Variants in PCSK2 observed in about 807,000 individuals in gnomAD.
PCSK2 encodes neuroendocrine convertase 2.
PCSK2 carries 14 observed loss-of-function variants against 69.7 expected under a neutral mutation model. That is an observed-to-expected ratio of 0.20 (90% CI 0.13 to 0.31). The LOEUF is 0.31. Ranked by LOEUF, PCSK2 falls within the 10% of genes least tolerant of loss-of-function variation. PCSK2 has a pLI of 1.00. For missense variants in PCSK2, 544 were observed against 842.5 expected (o/e 0.65, Z 4.39); for synonymous variants, 307 against 320.7 (o/e 0.96, Z 0.46).
intron 2 of PCSK2, among the ~76,000 whole-genome samples, chr20:17,355,895 A>T (rs1485852892): frequency 1.3e-5 from 2 of 152,138 alleles, no homozygotes; most frequent in Non-Finnish European, 2.9e-5. Flanking sequence ...CCATCCTTAG[A>T]GTACAGGGGA....
In PCSK2 at chr20:17,484,001, T is replaced by C. The variant is rs890089123; in HGVS notation, c.*1931T>C. 4.6e-5 allele frequency: 7 copies of C among 152,534 alleles called. No homozygotes were observed. Among genetic ancestry groups the C allele is most frequent in the South Asian group, 2.1e-4 (1 of 4,824 alleles). The allele number at this position is 152,534 out of a possible 1,614,324, so 9.4% of individuals were successfully genotyped here. On this transcript the variant is annotated 3_prime_UTR_variant, in exon 12 of 12. Transcript: ENST00000262545. ...TACACATATACCTATAATGTGTGTA[T>C]GTGTATTTATTGAAGAAACAGATAC...
chr20:17,440,414 T>A (rs1369037298), intron 8 of PCSK2, among the ~76,000 whole-genome samples: 1 of 152,084 alleles, frequency 6.6e-6, no homozygotes, highest in African/African-American at 2.4e-5. Flanking sequence ...GCAGCAGGGG[T>A]GACACATTTC....
At chr20:17,448,204 T>G (rs1211893687) in intron 8 of PCSK2, among the ~76,000 whole-genome samples, 1 of 152,202 alleles carries the variant, frequency 6.6e-6, no homozygotes, top group African/African-American at 2.4e-5. Context: ...GTCTGCACCC[T>G]GCACCCATAC....
intron 1 of PCSK2, among the ~76,000 whole-genome samples, chr20:17,243,690 C>T (rs555089151): frequency 1.3e-5 from 2 of 152,268 alleles, no homozygotes; most frequent in African/African-American, 4.8e-5. Flanking sequence ...GTGGAGGTAG[C>T]TGCATTTAAG....
chr20:17,287,636 C>T (rs1273572489), intron 2 of PCSK2, among the ~76,000 whole-genome samples: 3 of 152,126 alleles, frequency 2.0e-5, no homozygotes, highest in Admixed American at 1.3e-4. Flanking sequence ...GAAGAAGGTC[C>T]TCAATTCTCC....
intron 9 of PCSK2, 147 bp downstream of exon 9, chr20:17,454,104 T>C: frequency 8.9e-7 from 1 of 1,122,764 alleles, no homozygotes; most frequent in Non-Finnish European, 1.2e-6. Context: ...CTTTTCTCTA[T>C]GCCCAGTCCT....
At chr20:17,367,088 A>C (rs886157038) in intron 4 of PCSK2, among the ~76,000 whole-genome samples, 5 of 151,392 alleles carry the variant, frequency 3.3e-5, no homozygotes, top group African/African-American at 7.2e-5. Context: ...ATATTTTAAA[A>C]TATAAATATT....
chr20:17,261,057 C>T (rs552374368), intron 2 of PCSK2, among the ~76,000 whole-genome samples: 3 of 152,272 alleles, frequency 2.0e-5, no homozygotes, highest in Admixed American at 6.5e-5. Flanking sequence ...AGTGGCTTCT[C>T]TCCCAGTGTT....
At chr20:17,234,881 G>A (rs1482692886) in intron 1 of PCSK2, among the ~76,000 whole-genome samples, 6 of 152,084 alleles carry the variant, frequency 3.9e-5, no homozygotes, top group African/African-American at 1.2e-4. Context: ...CAGATCCAAC[G>A]TTTCAAAAAG....
At chr20:17,306,988 G>A (rs763560127) in intron 2 of PCSK2, among the ~76,000 whole-genome samples, 10 of 152,082 alleles carry the variant, frequency 6.6e-5, no homozygotes, top group East Asian at 1.9e-4. Context: ...TCATTCATTC[G>A]TTCTACTAAA....
chr20:17,375,693 A>G (rs750358795), intron 5 of PCSK2, among the ~76,000 whole-genome samples: 1 of 152,138 alleles, frequency 6.6e-6, no homozygotes, highest in African/African-American at 2.4e-5. Context: ...AGGATGGGCC[A>G]CTTCTTGCAC....
At chr20:17,243,420 A>C (rs1352844671) in intron 1 of PCSK2, among the ~76,000 whole-genome samples, 1 of 151,948 alleles carries the variant, frequency 6.6e-6, no homozygotes, top group Non-Finnish European at 1.5e-5. Context: ...GGCTGGTCTC[A>C]AACTCCTGGG....
chr20:17,459,006 G>C (rs1043010734), intron 10 of PCSK2, among the ~76,000 whole-genome samples: 4 of 152,104 alleles, frequency 2.6e-5, no homozygotes, highest in African/African-American at 9.7e-5. Flanking sequence ...GTCATAAGAA[G>C]ATCAGTTTTT....
intron 2 of PCSK2, among the ~76,000 whole-genome samples, chr20:17,352,523 A>G (rs947847650): frequency 3.3e-5 from 5 of 152,250 alleles, no homozygotes; most frequent in Non-Finnish European, 7.3e-5. Flanking sequence ...GGAACAGAAA[A>G]GAGAACTCAG....
At chr20:17,227,021 C>A, upstream of PCSK2, 1 of 323,282 alleles carries the variant, frequency 3.1e-6, no homozygotes, top group Non-Finnish European at 5.6e-6. Context: ...GATTTAGCAT[C>A]AAGCACAGAC....
chr20:17,442,784 GC>G (rs2032624597), intron 8 of PCSK2, among the ~76,000 whole-genome samples: 2 of 152,076 alleles, frequency 1.3e-5, no homozygotes, highest in Non-Finnish European at 1.5e-5. Context: ...GCCCTTTTAC[GC>G]CCCCTTCAGG....
At chr20:17,268,687 G>A (rs929932447) in intron 2 of PCSK2, among the ~76,000 whole-genome samples, 1 of 152,210 alleles carries the variant, frequency 6.6e-6, no homozygotes, top group South Asian at 2.1e-4. Context: ...GATAAGCTGG[G>A]GAAAGAACTT....
chr20:17,299,624 A>G (rs1407600465), intron 2 of PCSK2, among the ~76,000 whole-genome samples: 2 of 151,950 alleles, frequency 1.3e-5, no homozygotes, highest in Non-Finnish European at 2.9e-5. Flanking sequence ...TCCTCAGCCC[A>G]TCTTCCATTT....
chr20:17,273,202 A>T (rs1247419680), intron 2 of PCSK2, among the ~76,000 whole-genome samples: 3 of 152,158 alleles, frequency 2.0e-5, no homozygotes, highest in African/African-American at 7.2e-5. Flanking sequence ...TCAGCTAAGG[A>T]TCATATTCTC....
Sources: allele counts gnomAD v4.1 joint callset (sites outside exome capture counted in the v4.1 genomes callset), GRCh38; gene constraint gnomAD v4.1.1; transcripts MANE v1.5; gene names NCBI Gene and HGNC (gene_info 2026-07-23, HGNC 2026-07-21).